SPTBN1: variants seen among roughly 807,000 people sequenced by gnomAD.
The protein encoded by SPTBN1 is spectrin beta chain, non-erythrocytic 1.
SPTBN1 carries 32 observed loss-of-function variants against 266.4 expected under a neutral mutation model. That is an observed-to-expected ratio of 0.12 (90% CI 0.09 to 0.16). The LOEUF (loss-of-function observed/expected upper bound fraction) is 0.16. Among genes scored for constraint, SPTBN1 ranks in the 10% least tolerant of loss-of-function variants. The pLI is 1.00. For missense variants in SPTBN1, 2,296 were observed against 3,067.1 expected (o/e 0.75, Z 5.94); for synonymous variants, 1,336 against 1,162.2 (o/e 1.15, Z -3.04).
chr2:54,653,709 G>T lies in SPTBN1; in HGVS notation c.5678G>T (p.Trp1893Leu). Residue 1893 changes from tryptophan to leucine, a missense_variant, in exon 27 of 36, where the codon TGG becomes TTG. Around this residue, in one of 12 missense-constraint regions of SPTBN1, gnomAD observed 644 missense variants for 745.3 expected, o/e 0.86. Transcript: ENST00000356805. The surrounding 1 kb of genome is among the most constrained non-coding windows in gnomAD (Gnocchi z 5.1). ...QKRENEVLEAWKSLLDACESR... is the reference protein window; with the variant it reads ...QKRENEVLEALKSLLDACESR... ...CGCGAGAACGAGGTCCTGGAAGCCT[G>T]GAAGTCCCTCCTGGACGCCTGTGAG... is the stretch of plus-strand genomic sequence containing the variant. The T allele has an allele frequency of 6.2e-7, 1 of 1,614,210 alleles. No homozygotes were observed. Among genetic ancestry groups the T allele is most frequent in the East Asian group, 2.2e-5 (1 of 44,890 alleles).
chr2:54,546,168 G>A (rs1267961939), intron 2 of SPTBN1, among the ~76,000 whole-genome samples: 3 of 152,016 alleles, frequency 2.0e-5, no homozygotes, highest in Non-Finnish European at 4.4e-5. Context: ...TCTCTAATAG[G>A]CCAACTACAA....
intron 4 of SPTBN1, among the ~76,000 whole-genome samples, chr2:54,613,131 G>A (rs1355787988): frequency 6.6e-6 from 1 of 152,112 alleles, no homozygotes; most frequent in Non-Finnish European, 1.5e-5. Context: ...CCTGATTATT[G>A]GTTCTTTCTC....
intron 1 of SPTBN1, among the ~76,000 whole-genome samples, chr2:54,488,606 G>A (rs1298858476): frequency 1.3e-5 from 2 of 152,124 alleles, no homozygotes; most frequent in Admixed American, 1.3e-4. Flanking sequence ...CTTTTTCTCA[G>A]ATTTCAGTGT....
intron 17 of SPTBN1, among the ~76,000 whole-genome samples, chr2:54,637,334 A>G (rs923703534): frequency 6.6e-6 from 1 of 152,140 alleles, no homozygotes; most frequent in Non-Finnish European, 1.5e-5. Context: ...TTAGCCTTGT[A>G]TGTGTCACCC....
chr2:54,613,902 A>G (rs1041826608), intron 4 of SPTBN1, among the ~76,000 whole-genome samples: 2 of 152,214 alleles, frequency 1.3e-5, no homozygotes, highest in African/African-American at 4.8e-5. Context: ...TTGGCCTGCA[A>G]TAATCAGAGC....
At chr2:54,532,807 A>G (rs1671335420) in intron 2 of SPTBN1, among the ~76,000 whole-genome samples, 2 of 152,206 alleles carry the variant, frequency 1.3e-5, no homozygotes, top group East Asian at 1.9e-4. Context: ...TTTAAAGACT[A>G]CGTCTTCCCC....
At chr2:54,590,303 C>G (rs1277473190) in intron 2 of SPTBN1, among the ~76,000 whole-genome samples, 1 of 152,172 alleles carries the variant, frequency 6.6e-6, no homozygotes, top group Non-Finnish European at 1.5e-5. Context: ...TGCCTAGGGC[C>G]TGTCTTTGTG....
Position 54,629,931 on chromosome 2 carries a change from C to T in SPTBN1, c.2709C>T (p.Ser903=). The change falls in exon 15 of 36, where the codon TCC becomes TCT. Residue 903 remains serine (S), a synonymous_variant. Coordinates refer to ENST00000356805, the MANE Select transcript of SPTBN1 (RefSeq NM_003128.3). ...SLEPEMNNQA[S]RVAVVNQIAR... ...AACCAGAAATGAACAACCAGGCTTC[C>T]CGGGTTGCAGTGGTGAACCAGATTG... 20 of 1,614,130 alleles carry T rather than the reference C, an allele frequency of 1.2e-5. No individual in the cohort carries two copies. Among genetic ancestry groups the T allele is most frequent in the Non-Finnish European group, 1.7e-5 (20 of 1,180,052 alleles).
chr2:54,464,718 C>G (rs960310003), intron 1 of SPTBN1, among the ~76,000 whole-genome samples: 2 of 152,136 alleles, frequency 1.3e-5, no homozygotes, highest in African/African-American at 4.8e-5. Context: ...GAGACAGAGT[C>G]TTATTCTGTT....
Position 54,558,757 on chromosome 2 carries a change from C to G in SPTBN1, c.148+32191C>G. ...AGCGAGATTTCCAGGGCGCAGTCCT[C>G]CGGGGCGTTACGCCGGGCATAATGG... On this transcript the variant is annotated intron_variant, in intron 2 of 35. Coordinates refer to ENST00000356805, the MANE Select transcript of SPTBN1 (RefSeq NM_003128.3). The surrounding 1 kb of genome is among the most constrained non-coding windows in gnomAD (Gnocchi z 4.6). 1.2e-6 allele frequency: 2 copies of G among 1,609,046 alleles called. No individual in the cohort carries two copies. Among genetic ancestry groups the G allele is most frequent in the Non-Finnish European group, 1.7e-6 (2 of 1,176,976 alleles).
At chr2:54,592,959 C>T (rs908045569) in intron 2 of SPTBN1, among the ~76,000 whole-genome samples, 1 of 152,138 alleles carries the variant, frequency 6.6e-6, no homozygotes, top group Non-Finnish European at 1.5e-5. Flanking sequence ...CTGTGAAGAT[C>T]TAGTGAGCTT....
intron 1 of SPTBN1, among the ~76,000 whole-genome samples, chr2:54,495,078 GA>G: frequency 6.6e-6 from 1 of 152,272 alleles, no homozygotes. Flanking sequence ...TGTGGGCACA[GA>G]AGGTACAATG....
chr2:54,637,831 C>T (rs1679254814), intron 18 of SPTBN1, 28 bp downstream of exon 18: 2 of 1,580,680 alleles, frequency 1.3e-6, no homozygotes, highest in Non-Finnish European at 1.7e-6. Context: ...CCCTCTATTC[C>T]TGTGTTCCAG....
At chr2:54,599,050 G>T in intron 2 of SPTBN1, 42 bp from the exon 3 acceptor site, 1 of 1,606,288 alleles carries the variant, frequency 6.2e-7, no homozygotes, top group Non-Finnish European at 8.5e-7. Flanking sequence ...GCTCCTGCCA[G>T]TTCTGTGGTC....
At chr2:54,582,105 C>T (rs576754270) in intron 2 of SPTBN1, among the ~76,000 whole-genome samples, 7 of 152,262 alleles carry the variant, frequency 4.6e-5, no homozygotes, top group Non-Finnish European at 8.8e-5. Flanking sequence ...CTTCAGCTGA[C>T]ACTGATGCTT....
chr2:54,638,648 C>T (rs925252389), intron 18 of SPTBN1, among the ~76,000 whole-genome samples: 4 of 152,192 alleles, frequency 2.6e-5, no homozygotes, highest in East Asian at 1.9e-4. Flanking sequence ...CGTGTGAGTT[C>T]GTGAGCACAC....
At chr2:54,510,039 A>G (rs548164783) in intron 1 of SPTBN1, among the ~76,000 whole-genome samples, 1 of 148,258 alleles carries the variant, frequency 6.7e-6, no homozygotes, top group South Asian at 2.2e-4. Flanking sequence ...GCTCACTGCA[A>G]CCTCCGCCTC....
At chr2:54,457,878 G>A (rs1307753461) in intron 1 of SPTBN1, among the ~76,000 whole-genome samples, 1 of 152,244 alleles carries the variant, frequency 6.6e-6, no homozygotes, top group East Asian at 1.9e-4. Flanking sequence ...TCTGCCGGAG[G>A]GGCGCCCTGC....
chr2:54,657,740 C>A, intron 29 of SPTBN1, 110 bp from the exon 30 acceptor site: 3 of 1,298,746 alleles, frequency 2.3e-6, no homozygotes, highest in South Asian at 1.3e-5. Flanking sequence ...AGACGATAGA[C>A]TGGTTATGCA....
Sources: allele counts gnomAD v4.1 joint callset (sites outside exome capture counted in the v4.1 genomes callset), GRCh38; gene constraint gnomAD v4.1.1; regional missense constraint gnomAD v4.1.1; non-coding constraint Gnocchi (gnomAD v3.1); transcripts MANE v1.5; gene names NCBI Gene and HGNC (gene_info 2026-07-23, HGNC 2026-07-21).